The following NCSTN variants were observed in gnomAD, a reference collection of about 807,000 sequenced individuals.
The protein encoded by NCSTN is nicastrin.
Under a neutral mutation model 87.0 loss-of-function variants are expected in NCSTN, and 22 were observed. That is an observed-to-expected ratio of 0.25 (90% CI 0.18 to 0.36). NCSTN has a LOEUF of 0.36. Ranked by LOEUF, NCSTN falls within the 10% of genes least tolerant of loss-of-function variation. NCSTN has a pLI of 1.00. For missense variants in NCSTN, 693 were observed against 883.3 expected (o/e 0.78, Z 2.73); for synonymous variants, 306 against 327.1 (o/e 0.94, Z 0.69).
In NCSTN at chr1:160,344,781, C is replaced by T. The variant is rs1648366525; in HGVS notation, c.145C>T (p.Pro49Ser). 1.2e-6 allele frequency: 2 copies of T among 1,614,124 alleles called. No individual in the cohort carries two copies. Among genetic ancestry groups the T allele is most frequent in the East Asian group, 2.2e-5 (1 of 44,884 alleles). ...KIYIPLNKTA[P>S]CVRLLNATHQ... Reference sequence around the variant, plus strand: ...ATATATCCCCTTAAATAAAACAGCTCCCTGTGTTCGCCTGCTCAACGCCAC... The same window carrying T: ...ATATATCCCCTTAAATAAAACAGCTTCCTGTGTTCGCCTGCTCAACGCCAC... Residue 49 changes from proline to serine, a missense_variant, in exon 2 of 17, where the codon CCC (proline) becomes TCC (serine). This residue lies in a region of NCSTN where 235 missense variants were observed against 233.9 expected (regional missense o/e 1.00). Coordinates refer to ENST00000294785, the MANE Select transcript of NCSTN (RefSeq NM_015331.3).
chr1:160,347,264 C>CT (rs768222816), intron 2 of NCSTN, among the ~76,000 whole-genome samples: 1 of 152,152 alleles, frequency 6.6e-6, no homozygotes, highest in African/African-American at 2.4e-5. Flanking sequence ...AGGCTCCGCC[C>CT]TTTTTAATTA....
chr1:160,343,956 T>A, intron 1 of NCSTN: 2 of 59,770 alleles, frequency 3.3e-5, no homozygotes, highest in Admixed American at 4.6e-4. Flanking sequence ...TGCCTCAGGT[T>A]TTTTTTTTTT....
At chr1:160,355,987 TC>T (rs757616432) in intron 13 of NCSTN, 29 bp downstream of exon 13, 1 of 1,569,360 alleles carries the variant, frequency 6.4e-7, no homozygotes, top group Non-Finnish European at 8.8e-7. Flanking sequence ...GCTCCTTCTT[TC>T]TATTTACACA....
Position 160,350,091 on chromosome 1 carries a change from A to G in NCSTN, c.437-14A>G, listed in dbSNP as rs765968741. 6.8e-6 allele frequency: 11 copies of G among 1,613,210 alleles called. No homozygotes were observed. In the African/African-American group the frequency reaches 1.2e-4, roughly 18 times the overall value. On this transcript the variant is annotated splice_polypyrimidine_tract_variant and intron_variant, in intron 4 of 16. Transcript: ENST00000294785. ...CCAGTAACCAGTCCCCCTATTCCCC[A>G]TCCTTCCCTTCAGGTGTTTACTCCA...
In NCSTN at chr1:160,343,493, C is replaced by T; in HGVS notation, c.85+12C>T. 3.1e-6 allele frequency: 5 copies of T among 1,598,760 alleles called. No homozygotes were observed. Among genetic ancestry groups the T allele is most frequent in the Non-Finnish European group, 4.3e-6 (5 of 1,173,544 alleles). ...CGTCCTACTAGCAGGTGAGGCCTCCCCGCCCGTGAGCTCCGTTCTCTAAGG... is the reference window on the plus strand; with the variant it reads ...CGTCCTACTAGCAGGTGAGGCCTCCTCGCCCGTGAGCTCCGTTCTCTAAGG... On this transcript the variant is annotated intron_variant, in intron 1 of 16. Transcript: ENST00000294785.
At chr1:160,343,524 T>C (rs1218054817) in intron 1 of NCSTN, 43 bp downstream of exon 1, 2 of 1,546,164 alleles carry the variant, frequency 1.3e-6, no homozygotes, top group South Asian at 1.2e-5. Flanking sequence ...TAAGGGGAAC[T>C]CTCGGATCGG....
chr1:160,356,769 G>C lies in NCSTN; in HGVS notation c.1794+15G>C, dbSNP rs1170919764. 1 of 1,614,154 alleles carries C rather than the reference G, an allele frequency of 6.2e-7. No homozygotes were observed. Among genetic ancestry groups the C allele is most frequent in the Admixed American group, 1.7e-5 (1 of 60,032 alleles). ...AAAACAAGGATGTGAGTGGTGGTGGGTGTTGGAAGTGCCCTGGGGCCCCTT... is the reference window on the plus strand; with the variant it reads ...AAAACAAGGATGTGAGTGGTGGTGGCTGTTGGAAGTGCCCTGGGGCCCCTT... On this transcript the variant is annotated intron_variant, in intron 15 of 16. Transcript: ENST00000294785.
At chr1:160,351,868 T>C in intron 7 of NCSTN, 63 bp downstream of exon 7, 1 of 1,485,668 alleles carries the variant, frequency 6.7e-7, no homozygotes, top group Non-Finnish European at 9.4e-7. Flanking sequence ...TAGGCCCCGC[T>C]CTAGCATATC....
At chr1:160,353,042 T>C in intron 9 of NCSTN, 51 bp downstream of exon 9, 2 of 1,590,212 alleles carry the variant, frequency 1.3e-6, no homozygotes, top group Non-Finnish European at 1.7e-6. Context: ...TCTTCCTCCT[T>C]TGTTGTTCTG....
At chr1:160,350,050 C>T in intron 4 of NCSTN, 55 bp from the exon 5 acceptor site, 1 of 1,590,416 alleles carries the variant, frequency 6.3e-7, no homozygotes, top group Non-Finnish European at 8.6e-7. Context: ...CACCTGGTTC[C>T]TAAGTACTTG....
chr1:160,356,420 T>G, intron 14 of NCSTN, 73 bp downstream of exon 14: 1 of 1,461,444 alleles, frequency 6.8e-7, no homozygotes, highest in Non-Finnish European at 9.6e-7. Flanking sequence ...GGTTTAACCT[T>G]TATTATTTTT....
chr1:160,357,734 G>T (rs1402179137), intron 16 of NCSTN, among the ~76,000 whole-genome samples: 1 of 152,188 alleles, frequency 6.6e-6, no homozygotes, highest in Non-Finnish European at 1.5e-5. Context: ...GATAGTTTGA[G>T]TAGGTGTTCA....
chr1:160,344,138 G>A (rs1648300617), intron 1 of NCSTN, among the ~76,000 whole-genome samples: 1 of 152,004 alleles, frequency 6.6e-6, no homozygotes, highest in Admixed American at 6.5e-5. Context: ...GCCCTAAAAT[G>A]CAAATGCCTG....
In NCSTN at chr1:160,358,352, T is replaced by C. The variant is rs1324713163; in HGVS notation, c.*81T>C. The C allele has an allele frequency of 3.2e-6, 5 of 1,581,232 alleles. No individual in the cohort carries two copies. In the East Asian group the frequency reaches 1.1e-4, roughly 35 times the overall value. ...CCACTGGGACACAACCACTAATTTG[T>C]CACTGGAACCTCCCTGGGCCTGTCT... On this transcript the variant is annotated 3_prime_UTR_variant, in exon 17 of 17. Coordinates refer to ENST00000294785, the MANE Select transcript of NCSTN (RefSeq NM_015331.3).
Position 160,349,671 on chromosome 1 carries a change from G to C in NCSTN, c.436+1G>C, listed in dbSNP as rs2101899012. On this transcript the variant is annotated splice_donor_variant, in intron 4 of 16. Coordinates refer to ENST00000294785, the MANE Select transcript of NCSTN (RefSeq NM_015331.3). LOFTEE classifies it high-confidence loss of function. ...GTACAGTGCCCAAATGATGGGTTTG[G>C]TAAGTGTCCCAAAGGATCAGGAGAG... is the stretch of plus-strand genomic sequence containing the variant. 1 of 1,613,710 alleles carries C rather than the reference G, an allele frequency of 6.2e-7. No individual in the cohort carries two copies. Among genetic ancestry groups the C allele is most frequent in the Non-Finnish European group, 8.5e-7 (1 of 1,180,026 alleles).
intron 2 of NCSTN, among the ~76,000 whole-genome samples, chr1:160,346,075 T>C (rs999572398): frequency 3.9e-5 from 6 of 152,166 alleles, no homozygotes; most frequent in African/African-American, 1.4e-4. Context: ...CTTTGTGTGT[T>C]CCAAAAGAAG....
intron 11 of NCSTN, among the ~76,000 whole-genome samples, 175 bp from the exon 12 acceptor site, chr1:160,355,480 C>T (rs1649079995): frequency 6.6e-6 from 1 of 152,210 alleles, no homozygotes; most frequent in Non-Finnish European, 1.5e-5. Context: ...CTCACCCTCA[C>T]TCCTACCTCC....
chr1:160,353,978 C>A, intron 10 of NCSTN, 140 bp from the exon 11 acceptor site: 1 of 962,608 alleles, frequency 1.0e-6, no homozygotes, highest in Admixed American at 2.3e-5. Context: ...TCCCAAAAGG[C>A]TTGAGGGATA....
At chr1:160,348,927 C>A (rs181192135) in intron 2 of NCSTN, 72 bp from the exon 3 acceptor site, 4 of 1,598,860 alleles carry the variant, frequency 2.5e-6, no homozygotes, top group Middle Eastern at 1.7e-4. Context: ...ATAAAAGATA[C>A]GCAGAATCAG....
Sources: allele counts gnomAD v4.1 joint callset (sites outside exome capture counted in the v4.1 genomes callset), GRCh38; gene constraint gnomAD v4.1.1; regional missense constraint gnomAD v4.1.1; transcripts MANE v1.5; gene names NCBI Gene and HGNC (gene_info 2026-07-23, HGNC 2026-07-21).